Variants in CTBP2 observed in about 807,000 individuals in gnomAD.
The protein encoded by CTBP2 is C-terminal binding protein 2.
Under a neutral mutation model 80.3 loss-of-function variants are expected in CTBP2, and 30 were observed. That is an observed-to-expected ratio of 0.37 (90% CI 0.28 to 0.51). The LOEUF (loss-of-function observed/expected upper bound fraction) is 0.51. CTBP2 is among the 20% of genes least tolerant of loss of function. The pLI, the probability that CTBP2 is intolerant of heterozygous loss-of-function variation, is 0.93. For synonymous variants in CTBP2, 594 were observed against 587.4 expected (o/e 1.01, Z -0.16); for missense variants, 1,212 against 1,375.3 (o/e 0.88, Z 1.88).
intron 1 of CTBP2, among the ~76,000 whole-genome samples, chr10:125,021,592 C>T (rs148929484): frequency 2.4e-4 from 36 of 152,188 alleles, no homozygotes; most frequent in African/African-American, 5.1e-4. Context: ...CAGCAACGGG[C>T]AGGAGGGATG....
chr10:125,078,996 AAC>A (rs1222741894), intron 2 of CTBP2, among the ~76,000 whole-genome samples: 3 of 150,648 alleles, frequency 2.0e-5, no homozygotes, highest in Non-Finnish European at 3.0e-5. Context: ...AAAAAAAAAA[AAC>A]GAGCCGGGCA....
In CTBP2 at chr10:125,039,700, CG is replaced by C. The variant is rs1403256987; in HGVS notation, c.-101-546del. Among the ~76,000 whole-genome samples the C allele has an allele frequency of 2.0e-5, 3 of 152,190 alleles. No homozygotes were observed. In the East Asian group the frequency reaches 5.8e-4, roughly 29 times the overall value. On this transcript the variant is annotated intron_variant, in intron 2 of 10. Transcript: ENST00000337195. ...ACCCTGACTCTACCACGTGAGAACG[CG>C]GGTGGGAAGCCCCAGCAGCTCCTAA...
chr10:125,023,230 A>G (rs909931311), intron 1 of CTBP2, among the ~76,000 whole-genome samples: 2 of 152,210 alleles, frequency 1.3e-5, no homozygotes, highest in African/African-American at 2.4e-5. Flanking sequence ...GCTGGAAGAA[A>G]ATGGAAAAAG....
intron 1 of CTBP2, among the ~76,000 whole-genome samples, chr10:125,010,614 A>G (rs947815654): frequency 1.3e-5 from 2 of 152,214 alleles, no homozygotes; most frequent in African/African-American, 4.8e-5. Flanking sequence ...CCAGGACCTC[A>G]GCCCTGGAGT....
At position 124,985,096 on chromosome 10, in the gene CTBP2, T is replaced by A; in HGVS notation, c.*4422A>T. 1.2e-6 allele frequency: 1 copy of A among 864,068 alleles called. No individual in the cohort carries two copies. Among genetic ancestry groups the A allele is most frequent in the Non-Finnish European group, 1.8e-6 (1 of 553,126 alleles). The allele number at this position is 864,068 out of a possible 1,614,324, so 53.5% of individuals were successfully genotyped here. A position where few individuals can be genotyped will look rare whatever the true frequency, so the allele number is the denominator to read the frequency against. On this transcript the variant is annotated 3_prime_UTR_variant, in exon 9 of 9. Coordinates refer to ENST00000309035, the MANE Select transcript of CTBP2 (RefSeq NM_022802.3). Reference sequence around the variant, plus strand: ...TCGACATCATGGAATGAACCAAATCTGGCAGGATCTGCTCGGGGAAGTGTT... The same window carrying A: ...TCGACATCATGGAATGAACCAAATCAGGCAGGATCTGCTCGGGGAAGTGTT...
intron 1 of CTBP2, among the ~76,000 whole-genome samples, chr10:125,146,664 A>C (rs1295689145): frequency 1.3e-5 from 2 of 152,166 alleles, no homozygotes; most frequent in African/African-American, 4.8e-5. Flanking sequence ...TCTGAAGGTG[A>C]CAAACTAACT....
chr10:124,999,532 G>A (rs1954136344), intron 3 of CTBP2: 1 of 152,262 alleles, frequency 6.6e-6, no homozygotes, highest in Admixed American at 6.5e-5. Flanking sequence ...GGCCTTGAGA[G>A]TGACCCGCTT....
chr10:125,062,720 G>A (rs1394736643), intron 2 of CTBP2, among the ~76,000 whole-genome samples: 4 of 152,124 alleles, frequency 2.6e-5, no homozygotes, highest in Non-Finnish European at 1.5e-5. Flanking sequence ...AAATTAGCCG[G>A]GTGCGGTGGC....
chr10:125,091,290 C>T (rs889823674), intron 2 of CTBP2, among the ~76,000 whole-genome samples: 1 of 152,204 alleles, frequency 6.6e-6, no homozygotes, highest in Non-Finnish European at 1.5e-5. Context: ...CCAACACAGA[C>T]ACCCTCCGTA....
At chr10:125,150,333 G>A (rs1859597602) in intron 1 of CTBP2, among the ~76,000 whole-genome samples, 1 of 152,246 alleles carries the variant, frequency 6.6e-6, no homozygotes, top group Non-Finnish European at 1.5e-5. Context: ...GAAACCCTAA[G>A]CACTGTGAAA....
intron 1 of CTBP2, among the ~76,000 whole-genome samples, chr10:125,009,847 C>T (rs963375711): frequency 3.9e-5 from 6 of 152,314 alleles, no homozygotes; most frequent in South Asian, 4.1e-4. Flanking sequence ...TGGGGGAAGG[C>T]GGTCTGTGGG....
chr10:125,128,044 T>C (rs531501871), intron 1 of CTBP2, among the ~76,000 whole-genome samples: 3 of 152,258 alleles, frequency 2.0e-5, no homozygotes, highest in South Asian at 4.2e-4. Flanking sequence ...CCCCAGAGAC[T>C]TGGAAGAGCT....
intron 1 of CTBP2, among the ~76,000 whole-genome samples, chr10:125,146,437 C>G (rs1049176497): frequency 2.7e-5 from 4 of 148,468 alleles, no homozygotes; most frequent in African/African-American, 1.0e-4. Flanking sequence ...CGCGCCACCA[C>G]GCATGGCTAA....
At chr10:125,108,315 G>C (rs1380464901) in intron 2 of CTBP2, among the ~76,000 whole-genome samples, 2 of 152,210 alleles carry the variant, frequency 1.3e-5, no homozygotes, top group Non-Finnish European at 2.9e-5. Context: ...TTTAAAATTA[G>C]GACATGCTAA....
At chr10:125,081,528 G>T (rs1004007967) in intron 2 of CTBP2, among the ~76,000 whole-genome samples, 2 of 152,156 alleles carry the variant, frequency 1.3e-5, no homozygotes, top group Non-Finnish European at 2.9e-5. Flanking sequence ...CTCTGTGCGT[G>T]TGTTTCTGTA....
chr10:125,117,319 A>G (rs988939958), intron 1 of CTBP2, among the ~76,000 whole-genome samples: 1 of 152,142 alleles, frequency 6.6e-6, no homozygotes, highest in African/African-American at 2.4e-5. Context: ...ATCCCTGAGC[A>G]AACGGCAGTG....
chr10:124,997,660 C>A (rs1382245577), intron 4 of CTBP2: 1 of 456,642 alleles, frequency 2.2e-6, no homozygotes, highest in Non-Finnish European at 4.0e-6. Context: ...TCACCCCTGC[C>A]CAGGGAAATT....
At chr10:125,079,855 C>T (rs1349830462) in intron 2 of CTBP2, among the ~76,000 whole-genome samples, 2 of 152,188 alleles carry the variant, frequency 1.3e-5, no homozygotes, top group African/African-American at 4.8e-5. Flanking sequence ...AATCCTCTCT[C>T]CTGTGATGAA....
At chr10:124,994,396 G>C in intron 5 of CTBP2, 73 bp downstream of exon 7, 1 of 1,455,546 alleles carries the variant, frequency 6.9e-7, no homozygotes, top group Non-Finnish European at 9.6e-7. Context: ...TGCCCTCCGT[G>C]TCCCTCTTGT....
Sources: gnomAD v4.1 joint callset for allele counts (sites outside exome capture counted in the v4.1 genomes callset) on GRCh38, gnomAD v4.1.1 for gene constraint, MANE v1.5 for transcripts, NCBI Gene and HGNC (gene_info 2026-07-23, HGNC 2026-07-21) for gene names.